Variants in LARGE1 observed in about 807,000 individuals in gnomAD.
The protein encoded by LARGE1 is xylosyl- and glucuronyltransferase LARGE1.
Under a neutral mutation model 87.6 loss-of-function variants are expected in LARGE1, and 43 were observed. The ratio of observed to expected loss-of-function variants is 0.49; its 90% CI spans 0.38 to 0.63. The LOEUF (loss-of-function observed/expected upper bound fraction) is 0.63. Ranked by LOEUF, LARGE1 falls within the 30% of genes least tolerant of loss-of-function variation. LARGE1 has a pLI of 0.00. For missense variants in LARGE1, 802 were observed against 1,000.2 expected (o/e 0.80, Z 2.67); for synonymous variants, 434 against 394.6 (o/e 1.10, Z -1.18).
At chr22:33,109,429 G>A in the LARGE1 span, among the ~76,000 whole-genome samples, 1,386 of 152,162 alleles carry the variant, frequency 9.1e-3, 16 homozygotes, top group African/African-American at 0.032. Flanking sequence ...GAGCTCAAGT[G>A]ATCTTCCCGT....
rs1258461259 is a variant in LARGE1 at position 33,430,740 on chromosome 22, C to T, written c.892+1421G>A. ...TGCTGGACTTTCTTTCCTTGTCCTC[C>T]TCTAGCTTTGACCCCCACTCTGACC... On this transcript the variant is annotated intron_variant, in intron 7 of 14. Coordinates refer to ENST00000397394, the MANE Select transcript of LARGE1 (RefSeq NM_133642.5). Among the ~76,000 whole-genome samples the T allele has an allele frequency of 2.0e-5, 3 of 152,184 alleles. No homozygotes were observed. The East Asian group carries it at 5.8e-4, about 29-fold the overall frequency.
intron 5 of LARGE1, among the ~76,000 whole-genome samples, chr22:33,583,664 A>G (rs1290373023): frequency 6.6e-6 from 1 of 152,206 alleles, no homozygotes; most frequent in Non-Finnish European, 1.5e-5. Flanking sequence ...TTTAAAATGG[A>G]ATCTGTACAC....
At chr22:33,370,127 A>C (rs893701380) in intron 9 of LARGE1, among the ~76,000 whole-genome samples, 4 of 152,170 alleles carry the variant, frequency 2.6e-5, no homozygotes, top group African/African-American at 9.6e-5. Flanking sequence ...TAGATAAATC[A>C]TTATGAAGGT....
At chr22:33,514,001 T>C (rs562748522) in intron 6 of LARGE1, among the ~76,000 whole-genome samples, 9 of 152,302 alleles carry the variant, frequency 5.9e-5, no homozygotes, top group Non-Finnish European at 1.2e-4. Flanking sequence ...GTATTCAGTA[T>C]AGTGACATGC....
chr22:33,920,695 G>T (rs1368522434), upstream of LARGE1, among the ~76,000 whole-genome samples: 1 of 145,606 alleles, frequency 6.9e-6, no homozygotes, highest in African/African-American at 2.5e-5. Flanking sequence ...ATCGCGGCGC[G>T]GTGGGTGCGG....
At position 33,222,877 on chromosome 22, in the gene LARGE1, G is replaced by T. The variant is rs532986537; in HGVS notation, c.1731-56045C>A. On this transcript the variant is annotated intron_variant, in intron 11 of 11. Transcript: ENST00000608642. ...CTAGAGGGGCCTCCATTTGAGTAAT[G>T]TTCCTGGACTTTTTCCCCAGAGGGA... 2.6e-5 allele frequency among the ~76,000 whole-genome samples: 4 copies of T among 152,278 alleles called. No individual in the cohort carries two copies. The South Asian group carries it at 8.3e-4, about 32-fold the overall frequency.
At chr22:33,424,286 A>ATATC (rs1481398317) in intron 7 of LARGE1, among the ~76,000 whole-genome samples, 3 of 152,220 alleles carry the variant, frequency 2.0e-5, no homozygotes, top group African/African-American at 7.2e-5. Flanking sequence ...TGGCCACTGC[A>ATATC]TATCATTCAG....
At chr22:33,863,508 C>A (rs990297178) in intron 1 of LARGE1, among the ~76,000 whole-genome samples, 1 of 151,950 alleles carries the variant, frequency 6.6e-6, no homozygotes, top group Non-Finnish European at 1.5e-5. Context: ...GCCTGTAATC[C>A]CAACACTGGG....
intron 2 of LARGE1, among the ~76,000 whole-genome samples, chr22:33,695,434 C>T (rs754110638): frequency 1.3e-5 from 2 of 152,076 alleles, no homozygotes; most frequent in East Asian, 1.9e-4. Context: ...AAGGAAGGTA[C>T]CACACATCCT....
intron 11 of LARGE1, among the ~76,000 whole-genome samples, chr22:33,177,269 C>T (rs918860628): frequency 1.1e-4 from 17 of 151,892 alleles, no homozygotes; most frequent in Admixed American, 5.3e-4. Flanking sequence ...CAAACCTGCA[C>T]GTTCTGCACA....
chr22:33,091,961 G>A, the LARGE1 span, among the ~76,000 whole-genome samples: 3 of 152,094 alleles, frequency 2.0e-5, no homozygotes, highest in Admixed American at 6.6e-5. Context: ...GTGCAGTGGC[G>A]CAGTCTTGGC....
chr22:33,708,617 A>G (rs2082633074), intron 2 of LARGE1, among the ~76,000 whole-genome samples: 2 of 152,090 alleles, frequency 1.3e-5, no homozygotes, highest in African/African-American at 4.8e-5. Context: ...TTTTGTGTGT[A>G]GGAGACAGAG....
intron 3 of LARGE1, among the ~76,000 whole-genome samples, chr22:33,630,024 C>T (rs1224905094): frequency 6.6e-6 from 1 of 152,090 alleles, no homozygotes; most frequent in African/African-American, 2.4e-5. Context: ...ATGGTGAAAC[C>T]CCATTTCTAC....
chr22:33,868,272 C>G (rs1601815424), intron 1 of LARGE1, among the ~76,000 whole-genome samples: 1 of 152,148 alleles, frequency 6.6e-6, no homozygotes, highest in East Asian at 1.9e-4. Context: ...TCGTCGGAAG[C>G]AGAAACACCT....
At chr22:33,377,454 T>C (rs532887425) in intron 9 of LARGE1, among the ~76,000 whole-genome samples, 2 of 152,340 alleles carry the variant, frequency 1.3e-5, no homozygotes, top group Non-Finnish European at 2.9e-5. Flanking sequence ...GGTATGCACA[T>C]AGTTTGCTAT....
At chr22:33,569,876 G>A (rs2078141879) in intron 5 of LARGE1, among the ~76,000 whole-genome samples, 1 of 152,210 alleles carries the variant, frequency 6.6e-6, no homozygotes. Flanking sequence ...TTTGACTGTG[G>A]TAACAACACA....
chr22:33,141,188 TCTCTCTCACACA>T, the LARGE1 span, among the ~76,000 whole-genome samples: 1 of 146,432 alleles, frequency 6.8e-6, no homozygotes. Flanking sequence ...TCTCTCTCTC[TCTCTCTCACACA>T]CACACACACA....
intron 7 of LARGE1, among the ~76,000 whole-genome samples, chr22:33,410,874 C>T (rs2066284451): frequency 1.3e-5 from 2 of 152,138 alleles, no homozygotes; most frequent in South Asian, 2.1e-4. Context: ...TGAGCTGGTG[C>T]ACGTGAAAGC....
chr22:33,392,145 C>T (rs538225543), intron 7 of LARGE1, among the ~76,000 whole-genome samples: 1 of 128,636 alleles, frequency 7.8e-6, no homozygotes, highest in South Asian at 2.2e-4. Context: ...GGAACACACG[C>T]TTCTTCTTTT....
Sources: gnomAD v4.1 joint callset for allele counts (sites outside exome capture counted in the v4.1 genomes callset) on GRCh38, gnomAD v4.1.1 for gene constraint, MANE v1.5 for transcripts, NCBI Gene and HGNC (gene_info 2026-07-23, HGNC 2026-07-21) for gene names.